The following SYNPO2 variants were observed in gnomAD, a reference collection of about 807,000 sequenced individuals.
SYNPO2 encodes synaptopodin 2.
A neutral mutation model predicts 85.0 loss-of-function variants in SYNPO2; 56 were observed. The observed-to-expected ratio is 0.66, with a 90% CI of 0.53 to 0.82. The LOEUF is 0.82. Ranked by LOEUF, SYNPO2 falls within the 40% of genes least tolerant of loss-of-function variation. The probability of loss-of-function intolerance (pLI) is 0.00; values close to 1 mark genes in which losing one functional copy is unlikely to be tolerated. For synonymous variants in SYNPO2, 602 were observed against 591.1 expected, an observed-to-expected ratio of 1.02 and a Z score of -0.27; for missense variants, 1,575 against 1,534.2, an observed-to-expected ratio of 1.03 and a Z score of -0.44.
At chr4:119,054,057 C>G (rs951109245) in intron 4 of SYNPO2, among the ~76,000 whole-genome samples, 1 of 152,224 alleles carries the variant, frequency 6.6e-6, no homozygotes, top group Non-Finnish European at 1.5e-5. Flanking sequence ...CTTTGCCAGA[C>G]TTGCAACAGG....
intron 1 of SYNPO2, among the ~76,000 whole-genome samples, chr4:118,976,360 C>T (rs530499273): frequency 1.8e-4 from 27 of 152,264 alleles, no homozygotes; most frequent in Admixed American, 1.4e-3. Context: ...CAGATCTTCG[C>T]GGTGAGTGTT....
At chr4:118,894,925 A>G (rs1732503489) in intron 1 of SYNPO2, among the ~76,000 whole-genome samples, 1 of 152,148 alleles carries the variant, frequency 6.6e-6, no homozygotes, top group Non-Finnish European at 1.5e-5. Flanking sequence ...GCCTAGAAAT[A>G]TTAGTTTCAA....
chr4:119,045,858 A>G (rs1416374961), intron 4 of SYNPO2, among the ~76,000 whole-genome samples: 2 of 152,248 alleles, frequency 1.3e-5, no homozygotes, highest in Admixed American at 6.5e-5. Flanking sequence ...GTAGAGTGAC[A>G]TACTTCTTTT....
chr4:118,874,118 G>C (rs1731855212), intron 1 of SYNPO2, among the ~76,000 whole-genome samples: 1 of 152,138 alleles, frequency 6.6e-6, no homozygotes, highest in South Asian at 2.1e-4. Flanking sequence ...GGCTACTATA[G>C]CCTTGTAGTA....
chr4:118,889,327 A>G (rs1032596481), intron 1 of SYNPO2, among the ~76,000 whole-genome samples, 186 bp downstream of exon 1: 1 of 152,000 alleles, frequency 6.6e-6, no homozygotes, highest in Admixed American at 6.6e-5. Context: ...GCCACATCCT[A>G]TGTAATTAAC....
rs1738191190 is a variant in SYNPO2, at chr4:119,030,611, C to T, written c.1836C>T (p.Pro612=). 1.2e-6 allele frequency: 2 copies of T among 1,614,140 alleles called. No homozygotes were observed. The highest frequency in any genetic ancestry group is 1.7e-5 in the Admixed American group (1 of 60,016). Residue 612 remains proline (P), a synonymous_variant, in exon 4 of 5, where the codon CCC becomes CCT. Coordinates refer to ENST00000307142, the MANE Select transcript of SYNPO2 (RefSeq NM_133477.3). The part of the protein sequence containing the change: ...PFSPTRNMTS[P]IADFPAPPPY... ...CGCCAACCCGAAACATGACGAGTCC[C>T]ATTGCTGACTTTCCTGCACCTCCAC...
chr4:118,887,491 T>C (rs1220315539), upstream of SYNPO2, among the ~76,000 whole-genome samples: 1 of 152,200 alleles, frequency 6.6e-6, no homozygotes, highest in Non-Finnish European at 1.5e-5. Context: ...AATTTTCCTT[T>C]TGCAAACATT....
rs186403154 is a variant in SYNPO2 at position 118,860,329 on chromosome 4, G to A, written c.12+9389G>A. On this transcript the variant is annotated intron_variant, in intron 1 of 4. Transcript: ENST00000610556. ...CATGATCACAGCTCACTGCAGCCTC[G>A]ACCTCTCAGGCTCCAGTGAGCCTCC... is the stretch of plus-strand genomic sequence containing the variant. Among the ~76,000 whole-genome samples the A allele has an allele frequency of 1.3e-3, 197 of 151,616 alleles. 3 individuals carry two copies. In the East Asian group the frequency reaches 0.027, roughly 21 times the overall value.
rs72669479 is a variant in SYNPO2, at chr4:118,850,992, G to C, written c.12+52G>C. On this transcript the variant is annotated intron_variant, in intron 1 of 4. Transcript: ENST00000610556. ...TGTCCTCTTTATATTTCAATCACCT[G>C]AACTCATTACTCATTATTGCCTGCG... 3,431 of 398,544 alleles carry C rather than the reference G, an allele frequency of 8.6e-3. 25 individuals carry two copies. Among genetic ancestry groups the C allele is most frequent in the Non-Finnish European group, 0.012 (2,760 of 226,028 alleles). The allele number at this position is 398,544 out of a possible 1,614,324, so 24.7% of individuals were successfully genotyped here.
At chr4:119,051,976 T>G (rs1328224215) in intron 4 of SYNPO2, among the ~76,000 whole-genome samples, 5 of 152,180 alleles carry the variant, frequency 3.3e-5, no homozygotes, top group Admixed American at 3.3e-4. Flanking sequence ...TGTGTGTGTT[T>G]GGAGTGGGTG....
At chr4:119,047,889 A>G (rs1738919112) in intron 4 of SYNPO2, among the ~76,000 whole-genome samples, 1 of 152,226 alleles carries the variant, frequency 6.6e-6, no homozygotes, top group African/African-American at 2.4e-5. Context: ...CTCATGATAA[A>G]CGGTAAATCA....
chr4:118,962,075 A>T (rs963566072), intron 1 of SYNPO2, among the ~76,000 whole-genome samples: 6 of 152,280 alleles, frequency 3.9e-5, no homozygotes, highest in South Asian at 2.1e-4. Context: ...CCCTTTCATC[A>T]GGTAGTAGAT....
chr4:118,978,483 G>A (rs1735875724), intron 1 of SYNPO2, among the ~76,000 whole-genome samples: 1 of 152,068 alleles, frequency 6.6e-6, no homozygotes, highest in East Asian at 1.9e-4. Context: ...CCATTTGCAG[G>A]GAAACTTCGG....
chr4:119,003,553 C>T (rs963913070), intron 1 of SYNPO2, among the ~76,000 whole-genome samples: 1 of 152,310 alleles, frequency 6.6e-6, no homozygotes, highest in African/African-American at 2.4e-5. Flanking sequence ...GTTTTAATTG[C>T]CAAAAGTCCT....
chr4:118,900,776 T>TATCTATC (rs1409008166), intron 1 of SYNPO2, among the ~76,000 whole-genome samples: 1 of 147,790 alleles, frequency 6.8e-6, no homozygotes, highest in South Asian at 2.2e-4. Flanking sequence ...TCTATCTATC[T>TATCTATC]ATCTATCTAT....
chr4:119,059,527 T>A lies in SYNPO2; in HGVS notation c.*1593T>A, dbSNP rs1469542504. 1 of 152,182 alleles carries A rather than the reference T, an allele frequency of 6.6e-6. No individual in the cohort carries two copies. Among genetic ancestry groups the A allele is most frequent in the Non-Finnish European group, 1.5e-5 (1 of 68,034 alleles). The allele number at this position is 152,182 out of a possible 1,614,324, so 9.4% of individuals were successfully genotyped here. A position where few individuals can be genotyped will look rare whatever the true frequency, so the allele number is the denominator to read the frequency against. Reference sequence around the variant, plus strand: ...TAAATATAAAAAAATTCAAAGTATTTGACATCTTAAGCAAATATCCAGAAT... The same window carrying A: ...TAAATATAAAAAAATTCAAAGTATTAGACATCTTAAGCAAATATCCAGAAT... On this transcript the variant is annotated 3_prime_UTR_variant, in exon 5 of 5. Coordinates refer to ENST00000307142, the MANE Select transcript of SYNPO2 (RefSeq NM_133477.3).
chr4:119,055,487 T>G (rs761358188), intron 4 of SYNPO2, among the ~76,000 whole-genome samples: 3 of 152,220 alleles, frequency 2.0e-5, no homozygotes, highest in Non-Finnish European at 2.9e-5. Flanking sequence ...TTAATTCAGC[T>G]ACTGTGGGGC....
At chr4:118,914,339 A>G (rs1253347819) in intron 1 of SYNPO2, among the ~76,000 whole-genome samples, 2 of 152,158 alleles carry the variant, frequency 1.3e-5, no homozygotes, top group Non-Finnish European at 2.9e-5. Context: ...ATAATAGCTG[A>G]AATACCTGAA....
rs148362700 is a variant in SYNPO2, at chr4:118,866,554, G to A, written c.12+15614G>A. ...TTAGGTTTACTAGTACTCCTTTGTG[G>A]GAGTTTTTATTTCTGCTGAAACATA... On this transcript the variant is annotated intron_variant, in intron 1 of 4. Coordinates refer to the SYNPO2 transcript ENST00000610556. Among the ~76,000 whole-genome samples the A allele has an allele frequency of 3.4e-3, 522 of 152,228 alleles. 4 individuals are homozygous for A. The highest frequency in any genetic ancestry group is 0.012 in the African/African-American group (492 of 41,530).
Sources: gnomAD v4.1 joint callset for allele counts (sites outside exome capture counted in the v4.1 genomes callset) on GRCh38, gnomAD v4.1.1 for gene constraint, MANE v1.5 for transcripts, NCBI Gene and HGNC (gene_info 2026-07-23, HGNC 2026-07-21) for gene names.